Variants in SUSD4 observed in about 807,000 individuals in gnomAD.
SUSD4 encodes the protein sushi domain-containing protein 4.
Under a neutral mutation model 50.5 loss-of-function variants are expected in SUSD4, and 41 were observed. The observed-to-expected ratio is 0.81, with a 90% CI of 0.63 to 1.05. The LOEUF (loss-of-function observed/expected upper bound fraction) is 1.05, where lower values mean the gene tolerates loss of function less well. SUSD4 is among the 50% of genes least tolerant of loss of function. The pLI, the probability that SUSD4 is intolerant of heterozygous loss-of-function variation, is 0.00. For missense variants in SUSD4, 580 were observed against 634.7 expected, an observed-to-expected ratio of 0.91 and a Z score of 0.93; for synonymous variants, 257 against 257.3, an observed-to-expected ratio of 1.00 and a Z score of 0.01.
At chr1:223,312,666 T>C (rs1464605496) in intron 2 of SUSD4, among the ~76,000 whole-genome samples, 1 of 152,228 alleles carries the variant, frequency 6.6e-6, no homozygotes, top group African/African-American at 2.4e-5. Flanking sequence ...CCTGGATACC[T>C]GGATTGTTAA....
chr1:223,286,184 C>T (rs942081301), intron 3 of SUSD4, among the ~76,000 whole-genome samples: 2 of 152,184 alleles, frequency 1.3e-5, no homozygotes, highest in Admixed American at 6.5e-5. Context: ...GGCGCAATCT[C>T]GGCTCACTGC....
At chr1:223,282,746 G>GTTC in intron 3 of SUSD4, among the ~76,000 whole-genome samples, 1 of 152,222 alleles carries the variant, frequency 6.6e-6, no homozygotes, top group South Asian at 2.1e-4. Flanking sequence ...CTACTTTAAA[G>GTTC]TTCATATAGA....
chr1:223,317,677 G>A (rs955482637), intron 2 of SUSD4, among the ~76,000 whole-genome samples: 4 of 151,942 alleles, frequency 2.6e-5, no homozygotes, highest in Non-Finnish European at 5.9e-5. Context: ...TTTGCCAACA[G>A]TTCATATTTC....
At chr1:223,331,989 C>T (rs1667202686) in intron 2 of SUSD4, among the ~76,000 whole-genome samples, 1 of 152,226 alleles carries the variant, frequency 6.6e-6, no homozygotes, top group Non-Finnish European at 1.5e-5. Flanking sequence ...TGACCTCTCA[C>T]CTGTGTTCTG....
chr1:223,285,736 AG>A (rs1664092202), intron 3 of SUSD4, among the ~76,000 whole-genome samples: 1 of 152,234 alleles, frequency 6.6e-6, no homozygotes, highest in Admixed American at 6.5e-5. Context: ...AAACTAACAC[AG>A]GAACAGAAAA....
rs1662689912 is a variant in SUSD4 at position 223,268,598 on chromosome 1, A to G, written c.439T>C (p.Cys147Arg). 8.7e-6 allele frequency: 14 copies of G among 1,614,156 alleles called. No individual in the cohort carries two copies. The highest frequency in any genetic ancestry group is 1.2e-5 in the Non-Finnish European group (14 of 1,180,016). Residue 147 changes from cysteine to arginine, a missense_variant, in exon 4 of 9, where the codon TGT becomes CGT. Physicochemically the swap from Cys to Arg is radical, Grantham distance 180. Transcript: ENST00000366878. The stretch of plus-strand genomic sequence containing the variant: ...TACCGGATCTTGAATCCTTCATGAC[A>G]AGTGATGATTAGCTTCTCTCCATGT... ...YRHGEKLIIT[C>R]HEGFKIRYPD...
intron 2 of SUSD4, among the ~76,000 whole-genome samples, chr1:223,301,757 A>G (rs1336303432): frequency 6.6e-6 from 1 of 152,194 alleles, no homozygotes; most frequent in Non-Finnish European, 1.5e-5. Flanking sequence ...TTTTAAAGAC[A>G]AAGTTTAGTC....
chr1:223,247,319 C>G (rs1008250203), intron 5 of SUSD4, among the ~76,000 whole-genome samples: 1 of 152,166 alleles, frequency 6.6e-6, no homozygotes, highest in African/African-American at 2.4e-5. Flanking sequence ...ATCCATGAAG[C>G]CTTCCCATGC....
At chr1:223,358,009 A>G (rs1668760756) in intron 2 of SUSD4, among the ~76,000 whole-genome samples, 1 of 152,244 alleles carries the variant, frequency 6.6e-6, no homozygotes, top group Non-Finnish European at 1.5e-5. Context: ...CTTTCAAAGC[A>G]CAGCAAGGAT....
chr1:223,234,017 G>A (rs567926824), intron 5 of SUSD4, among the ~76,000 whole-genome samples: 11 of 152,240 alleles, frequency 7.2e-5, no homozygotes, highest in African/African-American at 1.7e-4. Flanking sequence ...AGAGGGTTAC[G>A]GCTCTTTTCA....
chr1:223,296,118 C>T (rs1312163112), intron 2 of SUSD4, among the ~76,000 whole-genome samples: 1 of 151,958 alleles, frequency 6.6e-6, no homozygotes, highest in African/African-American at 2.4e-5. Context: ...TGAGGGCAGG[C>T]ATTTGAGAAC....
chr1:223,341,403 C>G (rs1044162575), intron 2 of SUSD4, among the ~76,000 whole-genome samples: 5 of 152,172 alleles, frequency 3.3e-5, no homozygotes, highest in Non-Finnish European at 7.4e-5. Flanking sequence ...AGGCTCCACA[C>G]GAGGCAGGGC....
At chr1:223,268,042 T>TATATATATATATATATATATATATAC (rs869264392) in intron 4 of SUSD4, among the ~76,000 whole-genome samples, 6 of 106,828 alleles carry the variant, frequency 5.6e-5, no homozygotes, top group Admixed American at 4.2e-4. Context: ...TATATATATA[T>TATATATATATATATATATATATATAC]ACACACACAC....
At chr1:223,338,717 C>T (rs1667590219) in intron 2 of SUSD4, among the ~76,000 whole-genome samples, 1 of 152,212 alleles carries the variant, frequency 6.6e-6, no homozygotes, top group Non-Finnish European at 1.5e-5. Context: ...GCGCATGCAG[C>T]TGCAGGGTGG....
At chr1:223,348,152 C>G (rs781029099) in intron 2 of SUSD4, among the ~76,000 whole-genome samples, 1 of 151,736 alleles carries the variant, frequency 6.6e-6, no homozygotes, top group African/African-American at 2.4e-5. Flanking sequence ...CCGTTTAGAA[C>G]ACTAGAAGCA....
At chr1:223,358,232 T>C (rs535954275) in intron 2 of SUSD4, among the ~76,000 whole-genome samples, 6 of 152,188 alleles carry the variant, frequency 3.9e-5, no homozygotes, top group South Asian at 2.1e-4. Flanking sequence ...GGATGTACAA[T>C]AGACACTGGA....
At chr1:223,280,604 A>C (rs1663641931) in intron 3 of SUSD4, among the ~76,000 whole-genome samples, 1 of 152,214 alleles carries the variant, frequency 6.6e-6, no homozygotes, top group African/African-American at 2.4e-5. Flanking sequence ...TTAGAGATCT[A>C]CAAAGAGACT....
chr1:223,352,820 G>A (rs1206492168), intron 2 of SUSD4, among the ~76,000 whole-genome samples: 1 of 152,072 alleles, frequency 6.6e-6, no homozygotes, highest in East Asian at 1.9e-4. Flanking sequence ...TCACCCCACT[G>A]TCCTACCTGA....
chr1:223,317,851 C>CTTT (rs1172641015), intron 2 of SUSD4, among the ~76,000 whole-genome samples: 41 of 100,736 alleles, frequency 4.1e-4, no homozygotes, highest in Admixed American at 7.2e-4. Context: ...TTTTTTTTTT[C>CTTT]TTTTTTTTTT....
Sources: allele counts gnomAD v4.1 joint callset (sites outside exome capture counted in the v4.1 genomes callset), GRCh38; gene constraint gnomAD v4.1.1; transcripts MANE v1.5; gene names NCBI Gene and HGNC (gene_info 2026-07-23, HGNC 2026-07-21).